DNAH12: variants seen among roughly 807,000 people sequenced by gnomAD.
DNAH12 encodes dynein axonemal heavy chain 12.
DNAH12 carries 285 observed loss-of-function variants against 371.5 expected under a neutral mutation model. The observed-to-expected ratio is 0.77, with a 90% CI of 0.70 to 0.85. The LOEUF (loss-of-function observed/expected upper bound fraction) is 0.85. DNAH12 is among the 40% of genes least tolerant of loss of function. The pLI is 0.00. For missense variants in DNAH12, 3,611 were observed against 3,689.4 expected (o/e 0.98, Z 0.55); for synonymous variants, 1,200 against 1,213.0 (o/e 0.99, Z 0.22).
intron 8 of DNAH12, 67 bp downstream of exon 8, chr3:57,507,576 A>G (rs986308016): frequency 2.3e-5 from 26 of 1,147,724 alleles, no homozygotes; most frequent in Non-Finnish European, 2.9e-5. Flanking sequence ...GTTTACGTAG[A>G]ATTCTATTTA....
At chr3:57,381,761 T>A (rs2153342730) in intron 50 of DNAH12, among the ~76,000 whole-genome samples, 1 of 152,274 alleles carries the variant, frequency 6.6e-6, no homozygotes, top group South Asian at 2.1e-4. Flanking sequence ...CCAGAAAGGA[T>A]CTTAGCTGGA....
chr3:57,509,028 G>A, intron 6 of DNAH12, 112 bp downstream of exon 6: 1 of 893,646 alleles, frequency 1.1e-6, no homozygotes, highest in Non-Finnish European at 1.7e-6. Flanking sequence ...TTTTTTAGAT[G>A]TGTTCAAAAT....
intron 55 of DNAH12, among the ~76,000 whole-genome samples, chr3:57,371,366 G>A (rs1178226946): frequency 1.3e-5 from 2 of 151,952 alleles, no homozygotes; most frequent in Non-Finnish European, 2.9e-5. Flanking sequence ...CTTACAAAAT[G>A]ACTTGTTCTT....
intron 4 of DNAH12, among the ~76,000 whole-genome samples, chr3:57,518,853 T>C (rs1337511559): frequency 1.3e-5 from 2 of 152,070 alleles, no homozygotes; most frequent in Non-Finnish European, 2.9e-5. Flanking sequence ...TGCAAAAAAG[T>C]CTCTGGGAGT....
intron 4 of DNAH12, among the ~76,000 whole-genome samples, chr3:57,514,069 G>A (rs2068094694): frequency 6.6e-6 from 1 of 152,154 alleles, no homozygotes; most frequent in Admixed American, 6.6e-5. Flanking sequence ...AAACTGATAT[G>A]GAGCGATTTC....
At chr3:57,297,108 C>T (rs1381964404) in intron 70 of DNAH12, 124 bp from the exon 71 acceptor site, 1 of 1,085,728 alleles carries the variant, frequency 9.2e-7, no homozygotes, top group Non-Finnish European at 1.3e-6. Flanking sequence ...AGGCCCTCTT[C>T]CCTGACGTCA....
At chr3:57,462,669 T>A in intron 18 of DNAH12, 21 bp downstream of exon 18, 5 of 1,539,054 alleles carry the variant, frequency 3.2e-6, no homozygotes, top group Non-Finnish European at 4.4e-6. Flanking sequence ...ATAAAGTATT[T>A]CAGTTGATCT....
At chr3:57,346,179 A>G (rs6773478) in intron 60 of DNAH12, among the ~76,000 whole-genome samples, 49,414 of 151,990 alleles carry the variant, frequency 0.33, 8,856 homozygotes, top group African/African-American at 0.46. Flanking sequence ...CAATTATTAT[A>G]TGTTAATTAA....
intron 17 of DNAH12, among the ~76,000 whole-genome samples, chr3:57,467,400 G>A (rs938389934): frequency 2.0e-5 from 3 of 152,120 alleles, no homozygotes; most frequent in Non-Finnish European, 2.9e-5. Flanking sequence ...GGAATTACAG[G>A]CATAAGACAC....
rs1262987723 is a variant in DNAH12 at position 57,457,859 on chromosome 3, A to G, written c.3198T>C (p.Tyr1066=). The change falls in exon 22 of 74, where the codon TAT becomes TAC. Residue 1066 remains tyrosine (Y), a synonymous_variant. Transcript: ENST00000495027. ...FLPNLDIKAM[Y]SSEGERVELI... The stretch of plus-strand genomic sequence containing the variant: ...GCTCCACTCGCTCGCCCTCAGAGCT[A>G]TACATGGCTTTAATGTCCAAATTGG... 6.4e-7 allele frequency: 1 copy of G among 1,551,652 alleles called. No individual in the cohort carries two copies. Among genetic ancestry groups the G allele is most frequent in the Non-Finnish European group, 8.7e-7 (1 of 1,146,986 alleles).
At position 57,410,113 on chromosome 3, in the gene DNAH12, A is replaced by T. The variant is rs369639737; in HGVS notation, c.6021-1578T>A. Among the ~76,000 whole-genome samples the T allele has an allele frequency of 7.2e-4, 109 of 152,330 alleles. 2 individuals are homozygous for T. Among genetic ancestry groups the T allele is most frequent in the African/African-American group, 2.5e-3 (105 of 41,582 alleles). On this transcript the variant is annotated intron_variant, in intron 39 of 73. Transcript: ENST00000495027. ...TTTCAATAATTGAAACTAATAGTTG[A>T]AAAGTGCAGGCATACCCCATTTTAT...
At chr3:57,425,871 TA>T (rs2064751825) in intron 34 of DNAH12, among the ~76,000 whole-genome samples, 1 of 152,060 alleles carries the variant, frequency 6.6e-6, no homozygotes, top group African/African-American at 2.4e-5. Context: ...AAAGAATCCC[TA>T]AAAATGGATG....
chr3:57,378,725 A>T (rs2063330330), intron 52 of DNAH12, among the ~76,000 whole-genome samples: 1 of 152,176 alleles, frequency 6.6e-6, no homozygotes, highest in Non-Finnish European at 1.5e-5. Context: ...ATGTCAAGGC[A>T]TGTTCTTGTT....
intron 2 of DNAH12, among the ~76,000 whole-genome samples, chr3:57,541,022 G>A (rs1559766202): frequency 6.6e-6 from 1 of 151,776 alleles, no homozygotes; most frequent in Non-Finnish European, 1.5e-5. Context: ...AGGAATGAAG[G>A]AGGAATGCAT....
At chr3:57,388,563 C>A (rs1176721555) in intron 45 of DNAH12, among the ~76,000 whole-genome samples, 2 of 520 alleles carry the variant, frequency 3.8e-3, no homozygotes, top group Admixed American at 0.042. Flanking sequence ...TATTTTAAAT[C>A]TAAAAAAGAG....
chr3:57,470,042 T>C (rs1386998221), intron 16 of DNAH12, among the ~76,000 whole-genome samples: 2 of 152,160 alleles, frequency 1.3e-5, no homozygotes, highest in African/African-American at 4.8e-5. Flanking sequence ...ATACTTCTAA[T>C]TTTGGGGGTA....
intron 11 of DNAH12, chr3:57,498,598 A>G: frequency 1.4e-6 from 1 of 713,988 alleles, no homozygotes; most frequent in Non-Finnish European, 2.6e-6. Flanking sequence ...AGACCATAGT[A>G]ACTTTATTCA....
chr3:57,317,935 C>T (rs1406838146), intron 65 of DNAH12, among the ~76,000 whole-genome samples: 3 of 151,994 alleles, frequency 2.0e-5, no homozygotes, highest in Non-Finnish European at 2.9e-5. Context: ...AGCATTTTTT[C>T]ATATATCTGT....
chr3:57,526,819 G>A (rs943539343), intron 2 of DNAH12, among the ~76,000 whole-genome samples: 1 of 151,624 alleles, frequency 6.6e-6, no homozygotes, highest in Non-Finnish European at 1.5e-5. Context: ...ACTGCGCCCG[G>A]CCTCTTTTTT....
Sources: allele counts gnomAD v4.1 joint callset (sites outside exome capture counted in the v4.1 genomes callset), GRCh38; gene constraint gnomAD v4.1.1; transcripts MANE v1.5; gene names NCBI Gene and HGNC (gene_info 2026-07-23, HGNC 2026-07-21).